Variants in RGS7 observed in about 807,000 individuals in gnomAD.
The protein encoded by RGS7 is regulator of G-protein signaling 7.
Under a neutral mutation model 81.1 loss-of-function variants are expected in RGS7, and 27 were observed. The observed-to-expected ratio is 0.33, with a 90% confidence interval of 0.25 to 0.46. The LOEUF is 0.46. Ranked by LOEUF, RGS7 falls within the 20% of genes least tolerant of loss-of-function variation. The pLI, the probability that RGS7 is intolerant of heterozygous loss-of-function variation, is 1.00. For synonymous variants in RGS7, 208 were observed against 207.7 expected (o/e 1.00, Z -0.01); for missense variants, 396 against 607.4 (o/e 0.65, Z 3.66).
chr1:241,014,470 C>T (rs960217842), intron 3 of RGS7, among the ~76,000 whole-genome samples: 1 of 152,170 alleles, frequency 6.6e-6, no homozygotes, highest in Non-Finnish European at 1.5e-5. Flanking sequence ...AGTTTTAAAT[C>T]CACTGGACTG....
At chr1:241,130,518 T>C (rs939236836) in intron 2 of RGS7, among the ~76,000 whole-genome samples, 4 of 152,074 alleles carry the variant, frequency 2.6e-5, no homozygotes, top group African/African-American at 9.7e-5. Flanking sequence ...TACAAATCCT[T>C]TAGGTAGCTT....
At chr1:241,156,962 T>G (rs189059870) in intron 2 of RGS7, among the ~76,000 whole-genome samples, 1 of 152,184 alleles carries the variant, frequency 6.6e-6, no homozygotes, top group Non-Finnish European at 1.5e-5. Context: ...GCATCCTATA[T>G]TCCAAACTCT....
intron 2 of RGS7, among the ~76,000 whole-genome samples, chr1:241,166,809 C>A (rs2070289322): frequency 6.6e-6 from 1 of 152,100 alleles, no homozygotes; most frequent in Non-Finnish European, 1.5e-5. Context: ...GTGCTAAGAA[C>A]AATCTCTTGA....
At chr1:241,323,316 T>G (rs2081311671) in intron 2 of RGS7, among the ~76,000 whole-genome samples, 1 of 152,252 alleles carries the variant, frequency 6.6e-6, no homozygotes, top group Non-Finnish European at 1.5e-5. Flanking sequence ...ATTTAAATTG[T>G]GATGTATGTT....
At chr1:241,324,727 C>G (rs769331814) in intron 2 of RGS7, among the ~76,000 whole-genome samples, 19 of 152,200 alleles carry the variant, frequency 1.2e-4, no homozygotes, top group Non-Finnish European at 2.8e-4. Flanking sequence ...TTCCTCATAT[C>G]TATTCATTTT....
intron 2 of RGS7, among the ~76,000 whole-genome samples, chr1:241,208,473 C>T (rs1179937721): frequency 6.6e-6 from 1 of 152,076 alleles, no homozygotes. Flanking sequence ...ATTGAATTTC[C>T]TCCCAACACC....
chr1:241,092,474 G>A (rs1165401976), intron 3 of RGS7, among the ~76,000 whole-genome samples: 2 of 152,058 alleles, frequency 1.3e-5, no homozygotes, highest in Admixed American at 6.6e-5. Flanking sequence ...TGAATTCCAG[G>A]GAAAGAGCTA....
At chr1:240,875,183 T>A (rs1459160272) in intron 6 of RGS7, among the ~76,000 whole-genome samples, 1 of 152,198 alleles carries the variant, frequency 6.6e-6, no homozygotes, top group African/African-American at 2.4e-5. Flanking sequence ...CTTTAACCAA[T>A]ATCTGCCCCC....
At chr1:241,030,670 G>A (rs2060042024) in intron 3 of RGS7, among the ~76,000 whole-genome samples, 1 of 151,880 alleles carries the variant, frequency 6.6e-6, no homozygotes, top group Admixed American at 6.6e-5. Context: ...TCTAGTCTCA[G>A]CCACTATCAT....
intron 2 of RGS7, among the ~76,000 whole-genome samples, chr1:241,258,311 T>C (rs1050347956): frequency 6.6e-6 from 1 of 151,964 alleles, no homozygotes; most frequent in Non-Finnish European, 1.5e-5. Context: ...GGGACGTGAA[T>C]GGGAGAGAAA....
At chr1:241,096,281 C>T (rs2064252565) in intron 3 of RGS7, among the ~76,000 whole-genome samples, 3 of 151,976 alleles carry the variant, frequency 2.0e-5, no homozygotes, top group Admixed American at 2.0e-4. Context: ...TTAACAATCC[C>T]CACAGATTAT....
intron 2 of RGS7, among the ~76,000 whole-genome samples, chr1:241,162,157 A>C (rs554476164): frequency 2.0e-4 from 31 of 152,164 alleles, no homozygotes; most frequent in Non-Finnish European, 4.4e-4. Flanking sequence ...ATAATAATTG[A>C]TTGCAGCTGG....
chr1:241,304,695 A>G (rs1160088023), intron 2 of RGS7, among the ~76,000 whole-genome samples: 1 of 152,258 alleles, frequency 6.6e-6, no homozygotes, highest in Non-Finnish European at 1.5e-5. Flanking sequence ...TTAGTTTAAA[A>G]TTCCAGTTAT....
At chr1:241,025,422 G>A (rs773443240) in intron 3 of RGS7, among the ~76,000 whole-genome samples, 1 of 152,166 alleles carries the variant, frequency 6.6e-6, no homozygotes, top group Non-Finnish European at 1.5e-5. Context: ...TCTACAGCCA[G>A]GGAATATAAA....
At chr1:241,249,417 T>A (rs551132288) in intron 2 of RGS7, among the ~76,000 whole-genome samples, 1 of 152,276 alleles carries the variant, frequency 6.6e-6, no homozygotes, top group South Asian at 2.1e-4. Context: ...TCTAGACTAC[T>A]GTTCCCTTGA....
intron 18 of RGS7, among the ~76,000 whole-genome samples, chr1:240,793,611 A>ATATATATATATATATATATTTTTTT: frequency 8.9e-5 from 7 of 78,804 alleles, no homozygotes; most frequent in African/African-American, 1.9e-4. Flanking sequence ...ATATATATAT[A>ATATATATATATATATATATTTTTTT]TTTTTTTTTT....
intron 2 of RGS7, among the ~76,000 whole-genome samples, chr1:241,252,617 T>C (rs1219848315): frequency 6.6e-6 from 1 of 152,180 alleles, no homozygotes; most frequent in African/African-American, 2.4e-5. Context: ...TGGAGGACCA[T>C]AGAATTCAGA....
intron 2 of RGS7, among the ~76,000 whole-genome samples, chr1:241,157,292 T>C (rs901543224): frequency 2.0e-5 from 3 of 152,188 alleles, no homozygotes; most frequent in Admixed American, 1.3e-4. Flanking sequence ...CCAGAAGTGC[T>C]GGCCATTGTC....
chr1:241,138,036 T>C (rs1015466812), intron 2 of RGS7, among the ~76,000 whole-genome samples: 2 of 152,094 alleles, frequency 1.3e-5, no homozygotes, highest in East Asian at 3.9e-4. Flanking sequence ...CCGGGTGTGG[T>C]GGCAGGTGCC....
Sources: allele counts gnomAD v4.1 joint callset (sites outside exome capture counted in the v4.1 genomes callset), GRCh38; gene constraint gnomAD v4.1.1; transcripts MANE v1.5; gene names NCBI Gene and HGNC (gene_info 2026-07-23, HGNC 2026-07-21).